Variants in PLCL2 observed in about 807,000 individuals in gnomAD.
PLCL2 encodes inactive phospholipase C-like protein 2.
Under a neutral mutation model 79.6 loss-of-function variants are expected in PLCL2, and 4 were observed. The observed-to-expected ratio is 0.05, with a 90% CI of 0.02 to 0.11. The LOEUF (loss-of-function observed/expected upper bound fraction) is 0.11, where lower values mean the gene tolerates loss of function less well. Ranked by LOEUF, PLCL2 falls within the 10% of genes least tolerant of loss-of-function variation. PLCL2 has a pLI of 1.00. For synonymous variants in PLCL2, 484 were observed against 457.7 expected (o/e 1.06, Z -0.73); for missense variants, 895 against 1,291.0 (o/e 0.69, Z 4.70).
chr3:17,050,987 T>C (rs935078996), intron 4 of PLCL2, among the ~76,000 whole-genome samples: 3 of 152,168 alleles, frequency 2.0e-5, no homozygotes, highest in African/African-American at 7.2e-5. Flanking sequence ...GATCCTATCA[T>C]TTGCAACATG....
intron 5 of PLCL2, among the ~76,000 whole-genome samples, chr3:17,088,769 C>T (rs538979165): frequency 1.3e-5 from 2 of 152,170 alleles, no homozygotes; most frequent in East Asian, 3.9e-4. Flanking sequence ...CCAAAGAATT[C>T]TCTGGTCCAA....
intron 3 of PLCL2, among the ~76,000 whole-genome samples, chr3:17,041,329 A>G (rs2064719005): frequency 6.6e-6 from 1 of 152,180 alleles, no homozygotes. Context: ...TAGGTCAGGT[A>G]TCCCTGGTTT....
At chr3:16,902,853 CGTGT>C (rs1219764598) in intron 1 of PLCL2, among the ~76,000 whole-genome samples, 1,303 of 42,256 alleles carry the variant, frequency 0.031, 19 homozygotes, top group African/African-American at 0.066. Context: ...AAATGCAGTG[CGTGT>C]GTGTGTGTGT....
At chr3:16,889,151 A>G (rs1696289803) in intron 1 of PLCL2, among the ~76,000 whole-genome samples, 2 of 152,300 alleles carry the variant, frequency 1.3e-5, no homozygotes, top group Admixed American at 1.3e-4. Context: ...CATGCAAAAC[A>G]CGTGAAAAGT....
At chr3:16,912,356 G>A (rs1172389940) in intron 1 of PLCL2, among the ~76,000 whole-genome samples, 1 of 152,010 alleles carries the variant, frequency 6.6e-6, no homozygotes, top group Non-Finnish European at 1.5e-5. Flanking sequence ...GGTGAATTTT[G>A]GTATTCATGT....
intron 1 of PLCL2, among the ~76,000 whole-genome samples, chr3:16,917,087 C>T (rs2124931878): frequency 6.6e-6 from 1 of 152,306 alleles, no homozygotes. Flanking sequence ...TTTCCTGGTA[C>T]TTAGCCCCTT....
chr3:16,914,004 C>T (rs915362192), intron 1 of PLCL2, among the ~76,000 whole-genome samples: 1 of 152,290 alleles, frequency 6.6e-6, no homozygotes, highest in African/African-American at 2.4e-5. Flanking sequence ...ATTCTCTGAT[C>T]CTGGGGCCCT....
intron 3 of PLCL2, among the ~76,000 whole-genome samples, chr3:17,038,720 G>T (rs550637411): frequency 2.6e-5 from 4 of 152,054 alleles, no homozygotes; most frequent in African/African-American, 9.7e-5. Flanking sequence ...AACAACTTTG[G>T]GTCAATGTTA....
intron 1 of PLCL2, among the ~76,000 whole-genome samples, chr3:16,900,834 C>T (rs1422799400): frequency 1.3e-5 from 2 of 152,164 alleles, no homozygotes; most frequent in Non-Finnish European, 2.9e-5. Context: ...CTGCTGGTTA[C>T]TCTCCATGCC....
At chr3:17,046,548 G>A (rs1329171188) in intron 4 of PLCL2, among the ~76,000 whole-genome samples, 2 of 151,992 alleles carry the variant, frequency 1.3e-5, no homozygotes, top group South Asian at 2.1e-4. Flanking sequence ...CTCTGGAGGA[G>A]GAAAAAAACA....
intron 1 of PLCL2, among the ~76,000 whole-genome samples, chr3:16,896,607 C>T (rs1448976196): frequency 6.6e-6 from 1 of 152,190 alleles, no homozygotes; most frequent in Non-Finnish European, 1.5e-5. Flanking sequence ...TAACAGTTTT[C>T]TAGATAGAGC....
rs1219018961 is a variant in PLCL2, at chr3:16,925,844, A to G, written c.327+40478A>G. On this transcript the variant is annotated intron_variant, in intron 1 of 5. Transcript: ENST00000615277. The stretch of plus-strand genomic sequence containing the variant: ...ATGCTGCTATGATCATTAGTATACA[A>G]GTTTTTGTGTGGATGTATATTTTAA... Among the ~76,000 whole-genome samples the G allele has an allele frequency of 3.9e-5, 6 of 152,274 alleles. No individual in the cohort carries two copies. The South Asian group carries it at 6.2e-4, about 16-fold the overall frequency.
intron 1 of PLCL2, among the ~76,000 whole-genome samples, chr3:16,993,544 G>A (rs894705831): frequency 3.9e-5 from 6 of 152,142 alleles, no homozygotes; most frequent in African/African-American, 1.4e-4. Flanking sequence ...TTGGTAATTG[G>A]TATGGCAGCC....
At chr3:17,032,916 AGT>A (rs1239620681) in intron 3 of PLCL2, among the ~76,000 whole-genome samples, 2 of 152,188 alleles carry the variant, frequency 1.3e-5, no homozygotes, top group African/African-American at 4.8e-5. Context: ...CCCGCTTCTA[AGT>A]GTGTGAATAT....
At chr3:16,973,352 T>TA (rs2063892837) in intron 1 of PLCL2, among the ~76,000 whole-genome samples, 1 of 139,258 alleles carries the variant, frequency 7.2e-6, no homozygotes, top group Non-Finnish European at 1.6e-5. Flanking sequence ...GACCTGCCTT[T>TA]AACTTTTTTT....
intron 1 of PLCL2, among the ~76,000 whole-genome samples, chr3:16,972,907 G>C (rs947242644): frequency 2.0e-5 from 3 of 152,136 alleles, no homozygotes; most frequent in Non-Finnish European, 1.5e-5. Context: ...CTTAAAGACA[G>C]CATACAGTTG....
At chr3:16,947,480 T>A (rs1212811974) in intron 1 of PLCL2, among the ~76,000 whole-genome samples, 1 of 152,208 alleles carries the variant, frequency 6.6e-6, no homozygotes, top group Non-Finnish European at 1.5e-5. Flanking sequence ...AAGGCCCATC[T>A]GCAAAGCCTT....
chr3:16,914,758 A>G (rs1390625909), intron 1 of PLCL2, among the ~76,000 whole-genome samples: 1 of 151,942 alleles, frequency 6.6e-6, no homozygotes, highest in Admixed American at 6.6e-5. Flanking sequence ...GTTTTTAGAG[A>G]CAGGGTCTCA....
At chr3:16,899,382 A>G (rs1165211652) in intron 1 of PLCL2, among the ~76,000 whole-genome samples, 1 of 152,220 alleles carries the variant, frequency 6.6e-6, no homozygotes, top group African/African-American at 2.4e-5. Context: ...GTCATGTTTG[A>G]AAACAGCAAC....
Sources: gnomAD v4.1 joint callset for allele counts (sites outside exome capture counted in the v4.1 genomes callset) on GRCh38, gnomAD v4.1.1 for gene constraint, MANE v1.5 for transcripts, NCBI Gene and HGNC (gene_info 2026-07-23, HGNC 2026-07-21) for gene names.